The following PCDHGB4 variants were observed in gnomAD, a reference collection of about 807,000 sequenced individuals.
PCDHGB4 encodes the protein protocadherin gamma-B4.
PCDHGB4 carries 38 observed loss-of-function variants against 60.5 expected under a neutral mutation model. That is an observed-to-expected ratio of 0.63 (90% confidence interval 0.48 to 0.82). The LOEUF (loss-of-function observed/expected upper bound fraction) is 0.82. Among genes scored for constraint, PCDHGB4 ranks in the 40% least tolerant of loss-of-function variants. The pLI, the probability that PCDHGB4 is intolerant of heterozygous loss-of-function variation, is 0.00. For synonymous variants in PCDHGB4, 456 were observed against 509.7 expected (o/e 0.89, Z 1.42); for missense variants, 1,109 against 1,209.6 (o/e 0.92, Z 1.23).
intron 1 of PCDHGB4, among the ~76,000 whole-genome samples, chr5:141,484,740 GA>G (rs1047805396): frequency 6.6e-6 from 1 of 150,760 alleles, no homozygotes; most frequent in Non-Finnish European, 1.5e-5. Context: ...GGTGTGTTAG[GA>G]AAAAAAATGT....
chr5:141,423,513 G>C, intron 1 of PCDHGB4: 3 of 1,613,750 alleles, frequency 1.9e-6, no homozygotes, highest in Non-Finnish European at 1.7e-6. Flanking sequence ...CTCTCATTGC[G>C]GACTCGCAGA....
Position 141,511,285 on chromosome 5 carries a change from G to C in PCDHGB4, c.*112G>C. On this transcript the variant is annotated 3_prime_UTR_variant, in exon 4 of 4. Coordinates refer to ENST00000519479, the MANE Select transcript of PCDHGB4 (RefSeq NM_003736.4). Reference sequence around the variant, plus strand: ...GGGCTAACCCCCAGAATACTGGTAGGGGCCAAGGCCATGCTCCCCTTGGGA... The same window carrying C: ...GGGCTAACCCCCAGAATACTGGTAGCGGCCAAGGCCATGCTCCCCTTGGGA... 1 of 1,521,904 alleles carries C rather than the reference G, an allele frequency of 6.6e-7. No homozygotes were observed. The highest frequency in any genetic ancestry group is 8.8e-7 in the Non-Finnish European group (1 of 1,131,664). 94.3% of individuals were successfully genotyped at this position (1,521,904 alleles called of 1,614,324 possible).
At chr5:141,396,952 A>G (rs2093458879) in intron 1 of PCDHGB4, among the ~76,000 whole-genome samples, 1 of 152,196 alleles carries the variant, frequency 6.6e-6, no homozygotes, top group African/African-American at 2.4e-5. Context: ...AGGAAAGAAA[A>G]TCCTTACTCT....
rs768559201 is a variant in PCDHGB4, at chr5:141,431,344, G to A, written c.2397+41063G>A. Reference sequence around the variant, plus strand: ...ACGGTAGTAAGTACCCCGAATTGGTGCTGAAACGCGCCCTGGACCGCGAAG... The same window carrying A: ...ACGGTAGTAAGTACCCCGAATTGGTACTGAAACGCGCCCTGGACCGCGAAG... On this transcript the variant is annotated intron_variant, in intron 1 of 3. Coordinates refer to ENST00000519479, the MANE Select transcript of PCDHGB4 (RefSeq NM_003736.4). The surrounding 1 kb of genome is among the most constrained non-coding windows in gnomAD (Gnocchi z 4.8). 3.9e-5 allele frequency: 63 copies of A among 1,614,078 alleles called. No homozygotes were observed. Among genetic ancestry groups the A allele is most frequent in the Non-Finnish European group, 5.0e-5 (59 of 1,180,044 alleles).
chr5:141,466,401 T>A (rs2099122186), intron 1 of PCDHGB4, among the ~76,000 whole-genome samples: 1 of 152,210 alleles, frequency 6.6e-6, no homozygotes, highest in Non-Finnish European at 1.5e-5. Flanking sequence ...TTTGCTCAAC[T>A]TTAATTTTTC....
At chr5:141,420,214 C>G (rs1356792048) in intron 1 of PCDHGB4, 1 of 1,611,064 alleles carries the variant, frequency 6.2e-7, no homozygotes, top group Admixed American at 1.7e-5. Context: ...ACAAAGATAG[C>G]ATGCTACTGG....
At chr5:141,495,240 C>T (rs2099759761) in intron 2 of PCDHGB4, among the ~76,000 whole-genome samples, 1 of 152,182 alleles carries the variant, frequency 6.6e-6, no homozygotes, top group South Asian at 2.1e-4. Context: ...TCCATTATGA[C>T]CTGGGGCTCA....
At chr5:141,398,177 T>C (rs2093620975) in intron 1 of PCDHGB4, 11 of 1,473,994 alleles carry the variant, frequency 7.5e-6, no homozygotes, top group African/African-American at 2.9e-5. Context: ...CTGCCAGTGC[T>C]CTTTCTCTTC....
In PCDHGB4 at chr5:141,388,800, G is replaced by A. The variant is rs1193679536; in HGVS notation, c.916G>A (p.Asp306Asn). 6 of 1,613,896 alleles carry A rather than the reference G, an allele frequency of 3.7e-6. No homozygotes were observed. The highest frequency in any genetic ancestry group is 5.1e-6 in the Non-Finnish European group (6 of 1,179,840). Residue 306 changes from aspartate to asparagine, a missense_variant, in exon 1 of 4, where the codon GAT (aspartate) becomes AAT (asparagine). Asp to Asn is a conservative substitution (Grantham distance 23). Transcript: ENST00000519479. ...TGEITVLNTL[D>N]FEEVKEYSIV... ...GGAAATTACTGTTTTAAATACATTA[G>A]ATTTTGAAGAAGTCAAAGAATATTC...
chr5:141,419,561 G>T, intron 1 of PCDHGB4: 1 of 1,611,846 alleles, frequency 6.2e-7, no homozygotes. Flanking sequence ...CCCTGCGCTG[G>T]GTCCCGACGG....
rs527641698 is a variant in PCDHGB4 at position 141,410,317 on chromosome 5, C to G, written c.2397+20036C>G. The G allele has an allele frequency of 2.5e-6, 4 of 1,613,892 alleles. No homozygotes were observed. In the East Asian group the frequency reaches 6.7e-5, roughly 27 times the overall value. ...CCTTAATCTCAGTGCTCTTCCTCCT[C>G]GCCGTGATTCTGGCCATTGCCTTGC... On this transcript the variant is annotated intron_variant, in intron 1 of 3. Transcript: ENST00000519479.
chr5:141,437,617 C>T (rs570138576), intron 1 of PCDHGB4, among the ~76,000 whole-genome samples: 1 of 152,102 alleles, frequency 6.6e-6, no homozygotes, highest in Admixed American at 6.6e-5. Flanking sequence ...CTGCTTTATC[C>T]CCATATAAGA....
chr5:141,391,964 A>G (rs917564747), intron 1 of PCDHGB4: 3 of 152,232 alleles, frequency 2.0e-5, no homozygotes, highest in Non-Finnish European at 2.9e-5. Flanking sequence ...AAACAATGTA[A>G]ATAAAATAGC....
In PCDHGB4 at chr5:141,482,773, C is replaced by A. The variant is rs2009076; in HGVS notation, c.2398-12034C>A. ...ATTATGGTATTTCATTATCACTGAA[C>A]CTTAAACTGTGTGTGTGGCCGGGTA... On this transcript the variant is annotated intron_variant, in intron 1 of 3. Coordinates refer to ENST00000519479, the MANE Select transcript of PCDHGB4 (RefSeq NM_003736.4). 9.1e-3 allele frequency among the ~76,000 whole-genome samples: 1,158 copies of A among 127,768 alleles called. 29 individuals carry two copies. Among genetic ancestry groups the A allele is most frequent in the Middle Eastern group, 0.013 (3 of 228 alleles). 83.8% of individuals were successfully genotyped at this position (127,768 alleles called of 152,430 possible). A position where few individuals can be genotyped will look rare whatever the true frequency, so the allele number is the denominator to read the frequency against.
intron 3 of PCDHGB4, among the ~76,000 whole-genome samples, chr5:141,509,766 G>A (rs1176830940): frequency 6.6e-6 from 1 of 152,104 alleles, no homozygotes; most frequent in Non-Finnish European, 1.5e-5. Flanking sequence ...TCCCTGAGAT[G>A]TCTAGTCCCC....
chr5:141,389,248 A>C lies in PCDHGB4; in HGVS notation c.1364A>C (p.Tyr455Ser). The C allele has an allele frequency of 6.2e-7, 1 of 1,614,036 alleles. No homozygotes were observed. The highest frequency in any genetic ancestry group is 1.1e-5 in the South Asian group (1 of 91,086). The change falls in exon 1 of 4, where the codon TAT becomes TCT. Residue 455 changes from tyrosine to serine, a missense_variant. Transcript: ENST00000519479. ...DNAPVFSQSS[Y>S]IVHVAENNPP... is the part of the protein sequence containing the mutation. ...GCTCCGGTTTTCTCACAGTCTTCCT[A>C]TATAGTCCACGTGGCCGAGAACAAC...
At chr5:141,410,665 G>C (rs372651223) in intron 1 of PCDHGB4, 9 of 1,569,394 alleles carry the variant, frequency 5.7e-6, no homozygotes, top group Non-Finnish European at 7.7e-6. Flanking sequence ...TAGTCTACTA[G>C]TTTCTCATAT....
chr5:141,400,028 C>T (rs2093943957), intron 1 of PCDHGB4: 1 of 1,613,054 alleles, frequency 6.2e-7, no homozygotes. Context: ...AGGGACGCGG[C>T]CCGCCAGCGC....
At position 141,431,998 on chromosome 5, in the gene PCDHGB4, A is replaced by G. The variant is rs201105272; in HGVS notation, c.2397+41717A>G. The G allele has an allele frequency of 1.2e-6, 2 of 1,614,176 alleles. No homozygotes were observed. Among genetic ancestry groups the G allele is most frequent in the Admixed American group, 1.7e-5 (1 of 60,030 alleles). On this transcript the variant is annotated intron_variant, in intron 1 of 3. Coordinates refer to ENST00000519479, the MANE Select transcript of PCDHGB4 (RefSeq NM_003736.4). This position sits in a 1 kb window ranked among gnomAD's most constrained non-coding sequence, Gnocchi z 4.8. The stretch of plus-strand genomic sequence containing the variant: ...TCACAGACATAGTCTTGGATAGGGA[A>G]CAGGTTCCTAGCTACAACATCACAG...
Sources: allele counts gnomAD v4.1 joint callset (sites outside exome capture counted in the v4.1 genomes callset), GRCh38; gene constraint gnomAD v4.1.1; non-coding constraint Gnocchi (gnomAD v3.1); transcripts MANE v1.5; gene names NCBI Gene and HGNC (gene_info 2026-07-23, HGNC 2026-07-21).